Variants in CCSER1 observed in about 807,000 individuals in gnomAD.
The protein encoded by CCSER1 is coiled-coil serine rich protein 1, also known as serine-rich coiled-coil domain-containing protein 1.
In CCSER1, 41 loss-of-function variants were observed where a neutral mutation model predicts 82.0. That is an observed-to-expected ratio of 0.50 (90% CI 0.39 to 0.65). The LOEUF is 0.65. Ranked by LOEUF, CCSER1 falls within the 30% of genes least tolerant of loss-of-function variation. The probability of loss-of-function intolerance (pLI) is 0.00; values close to 1 mark genes in which losing one functional copy is unlikely to be tolerated. For missense variants in CCSER1, 1,119 were observed against 1,064.2 expected (o/e 1.05, Z -0.72); for synonymous variants, 414 against 383.9 (o/e 1.08, Z -0.92).
At chr4:91,157,930 CTTA>C (rs1730982060) in intron 10 of CCSER1, among the ~76,000 whole-genome samples, 1 of 151,982 alleles carries the variant, frequency 6.6e-6, no homozygotes, top group African/African-American at 2.4e-5. Context: ...ATAAGAGGGT[CTTA>C]TTCTTCATTT....
chr4:91,509,089 AT>A (rs1475969108), intron 10 of CCSER1, among the ~76,000 whole-genome samples: 5 of 151,006 alleles, frequency 3.3e-5, no homozygotes, highest in Non-Finnish European at 7.4e-5. Context: ...TTTCTATTTT[AT>A]TTATTTCCTC....
intron 10 of CCSER1, among the ~76,000 whole-genome samples, chr4:91,305,182 A>G (rs1278388782): frequency 2.0e-5 from 3 of 152,096 alleles, no homozygotes; most frequent in Admixed American, 6.6e-5. Context: ...GATTGTTTAT[A>G]GAATCATTCA....
chr4:91,361,869 G>A (rs1397128798), intron 10 of CCSER1, among the ~76,000 whole-genome samples: 1 of 151,682 alleles, frequency 6.6e-6, no homozygotes, highest in Admixed American at 6.6e-5. Flanking sequence ...AAAGTTGGCT[G>A]CAATTAAATG....
At chr4:91,222,882 A>G (rs1351109978) in intron 10 of CCSER1, among the ~76,000 whole-genome samples, 3 of 152,172 alleles carry the variant, frequency 2.0e-5, no homozygotes, top group South Asian at 2.1e-4. Context: ...GCTGGTGGCT[A>G]CTATATCAGA....
intron 5 of CCSER1, among the ~76,000 whole-genome samples, chr4:90,598,651 T>C (rs958923835): frequency 1.3e-5 from 2 of 152,144 alleles, no homozygotes; most frequent in Non-Finnish European, 2.9e-5. Context: ...CATTTTTTAA[T>C]TGGATTTTTA....
Position 91,121,419 on chromosome 4 carries a change from G to T in CCSER1, c.2217+35425G>T, listed in dbSNP as rs138190684. The stretch of plus-strand genomic sequence containing the variant: ...GAATCTATCTACTGTGTAAGGAAAA[G>T]AAGTTGTCTAAGAGGAAACTGTTCC... On this transcript the variant is annotated intron_variant, in intron 10 of 10. Transcript: ENST00000509176. 5.0e-3 allele frequency among the ~76,000 whole-genome samples: 753 copies of T among 151,818 alleles called. 2 individuals carry two copies. The highest frequency in any genetic ancestry group is 0.017 in the African/African-American group (720 of 41,522).
At chr4:90,152,074 C>G (rs1726969114) in intron 1 of CCSER1, among the ~76,000 whole-genome samples, 1 of 152,094 alleles carries the variant, frequency 6.6e-6, no homozygotes, top group Non-Finnish European at 1.5e-5. Flanking sequence ...TTTTTGACTG[C>G]AAGTAACCCA....
intron 5 of CCSER1, among the ~76,000 whole-genome samples, chr4:90,621,488 A>G (rs1005846493): frequency 4.6e-5 from 7 of 150,982 alleles, no homozygotes; most frequent in African/African-American, 1.7e-4. Flanking sequence ...CATCTTTATA[A>G]TGTCCTTTTC....
intron 3 of CCSER1, among the ~76,000 whole-genome samples, chr4:90,324,729 A>C (rs1737819328): frequency 6.6e-6 from 1 of 152,040 alleles, no homozygotes; most frequent in African/African-American, 2.4e-5. Context: ...GGTGTTTTAG[A>C]CATGAAGTCC....
intron 10 of CCSER1, among the ~76,000 whole-genome samples, chr4:91,479,585 A>G (rs961516118): frequency 4.6e-5 from 7 of 151,738 alleles, no homozygotes; most frequent in Non-Finnish European, 8.8e-5. Flanking sequence ...GTTGAGTCTC[A>G]ATTTTTTAGT....
At chr4:90,452,317 C>CA (rs1761564504) in intron 4 of CCSER1, among the ~76,000 whole-genome samples, 1 of 152,184 alleles carries the variant, frequency 6.6e-6, no homozygotes, top group Non-Finnish European at 1.5e-5. Context: ...TAGGGAGAGA[C>CA]AGTTTCTTAA....
chr4:91,192,750 C>G (rs771680960), intron 10 of CCSER1, among the ~76,000 whole-genome samples: 3 of 151,726 alleles, frequency 2.0e-5, no homozygotes, highest in Admixed American at 6.6e-5. Context: ...ATTTTTTTTC[C>G]TAGTCAAAAT....
At chr4:90,853,284 C>T (rs2149943227) in intron 8 of CCSER1, among the ~76,000 whole-genome samples, 1 of 152,070 alleles carries the variant, frequency 6.6e-6, no homozygotes, top group African/African-American at 2.4e-5. Flanking sequence ...TAGAGATGTT[C>T]ATTTTTTTCT....
intron 7 of CCSER1, among the ~76,000 whole-genome samples, chr4:90,741,600 T>C (rs1181816407): frequency 6.6e-6 from 1 of 152,260 alleles, no homozygotes; most frequent in East Asian, 1.9e-4. Context: ...ATCTCATGTA[T>C]AGCACTTCAG....
chr4:91,510,608 T>C (rs944211698), intron 10 of CCSER1, among the ~76,000 whole-genome samples: 2 of 152,224 alleles, frequency 1.3e-5, no homozygotes, highest in Admixed American at 6.5e-5. Flanking sequence ...CCACGTTTGT[T>C]GGCCATTTGT....
At chr4:91,244,902 T>G (rs1739643732) in intron 10 of CCSER1, among the ~76,000 whole-genome samples, 1 of 152,068 alleles carries the variant, frequency 6.6e-6, no homozygotes, top group African/African-American at 2.4e-5. Context: ...CAGAGAAAAT[T>G]TCAGTATCCT....
chr4:90,433,462 G>T (rs35972739), intron 4 of CCSER1, among the ~76,000 whole-genome samples: 3 of 151,918 alleles, frequency 2.0e-5, no homozygotes, highest in Non-Finnish European at 2.9e-5. Flanking sequence ...GAGTCCCCAA[G>T]ACCATTTCTA....
chr4:90,523,577 A>T (rs930012646), intron 5 of CCSER1, among the ~76,000 whole-genome samples: 1 of 152,178 alleles, frequency 6.6e-6, no homozygotes, highest in African/African-American at 2.4e-5. Flanking sequence ...GGATTTGAGA[A>T]TACAGTTTTG....
intron 10 of CCSER1, among the ~76,000 whole-genome samples, chr4:91,427,376 A>C (rs1437410222): frequency 6.6e-6 from 1 of 152,232 alleles, no homozygotes; most frequent in South Asian, 2.1e-4. Flanking sequence ...TCTTTTCAAA[A>C]GCTTACCTTT....
Sources: gnomAD v4.1 joint callset for allele counts (sites outside exome capture counted in the v4.1 genomes callset) on GRCh38, gnomAD v4.1.1 for gene constraint, MANE v1.5 for transcripts, NCBI Gene and HGNC (gene_info 2026-07-23, HGNC 2026-07-21) for gene names.